Variants in ENO2 observed in about 807,000 individuals in gnomAD.
The protein encoded by ENO2 is enolase 2.
ENO2 carries 19 observed loss-of-function variants against 48.7 expected under a neutral mutation model. The observed-to-expected ratio is 0.39, with a 90% CI of 0.27 to 0.57. ENO2 has a LOEUF of 0.57. Among genes scored for constraint, ENO2 ranks in the 20% least tolerant of loss-of-function variants. The probability of loss-of-function intolerance (pLI) is 0.58; values close to 1 mark genes in which losing one functional copy is unlikely to be tolerated. For synonymous variants in ENO2, 198 were observed against 213.4 expected (o/e 0.93, Z 0.63); for missense variants, 416 against 555.0 (o/e 0.75, Z 2.52).
chr12:6,915,715 G>A (rs1450805738), intron 1 of ENO2, 106 bp from the exon 2 acceptor site: 7 of 443,940 alleles, frequency 1.6e-5, no homozygotes. Context: ...ACCCACTGCA[G>A]TAACCTCTTT....
Position 6,919,741 on chromosome 12 carries a change from G to T in ENO2, c.843G>T (p.Gln281His). 6.2e-7 allele frequency: 1 copy of T among 1,613,960 alleles called. No individual in the cohort carries two copies. Among genetic ancestry groups the T allele is most frequent in the Non-Finnish European group, 8.5e-7 (1 of 1,180,018 alleles). ...ITGDQLGALY[Q>H]DFVRDYPVVS... ...GGGACCAGCTGGGGGCACTCTACCAGGACTTTGTCAGGGACTATCCTGGTG... is the reference window on the plus strand; with the variant it reads ...GGGACCAGCTGGGGGCACTCTACCATGACTTTGTCAGGGACTATCCTGGTG... The change falls in exon 8 of 12, where the codon CAG (glutamine) becomes CAT (histidine). Residue 281 changes from glutamine to histidine, a missense_variant. Gln to His is a conservative substitution (Grantham distance 24, BLOSUM62 0). Coordinates refer to ENST00000229277, the MANE Select transcript of ENO2 (RefSeq NM_001975.3).
intron 7 of ENO2, among the ~76,000 whole-genome samples, chr12:6,919,090 C>T (rs1029077976): frequency 2.0e-5 from 3 of 152,062 alleles, no homozygotes; most frequent in African/African-American, 4.8e-5. Flanking sequence ...GTCCTGTCCC[C>T]GTCCCAACCT....
In ENO2 at chr12:6,918,071, C is replaced by T. The variant is rs1945308188; in HGVS notation, c.576C>T (p.Leu192=). The T allele has an allele frequency of 6.2e-7, 1 of 1,614,014 alleles. No individual in the cohort carries two copies. The highest frequency in any genetic ancestry group is 1.1e-5 in the South Asian group (1 of 91,076). Residue 192 remains leucine, a synonymous_variant, in exon 7 of 12, where the codon CTC becomes CTT. Transcript: ENST00000229277. ...TAGGTGCAGAGGTCTACCATACACT[C>T]AAGGGAGTCATCAAGGACAAATACG... ...MRLGAEVYHT[L]KGVIKDKYGK...
intron 9 of ENO2, 113 bp from the exon 10 acceptor site, chr12:6,921,943 C>A: frequency 6.6e-7 from 1 of 1,525,002 alleles, no homozygotes; most frequent in South Asian, 1.1e-5. Context: ...TGATTCTCTG[C>A]TCCCCTCCCA....
chr12:6,923,444 T>C lies in ENO2; in HGVS notation c.*644T>C, dbSNP rs1945360874. 6.6e-6 allele frequency: 1 copy of C among 152,320 alleles called. No individual in the cohort carries two copies. Among genetic ancestry groups the C allele is most frequent in the African/African-American group, 2.4e-5 (1 of 41,430 alleles). The allele number at this position is 152,320 out of a possible 1,614,324, so 9.4% of individuals were successfully genotyped here. A position where few individuals can be genotyped will look rare whatever the true frequency, so the allele number is the denominator to read the frequency against. On this transcript the variant is annotated 3_prime_UTR_variant, in exon 12 of 12. Transcript: ENST00000229277. The stretch of plus-strand genomic sequence containing the variant: ...AGATGACTGGGGTGGGAGGTCTTGC[T>C]AGAATGGGAAGGGTCATAGAAAGGG...
Position 6,916,690 on chromosome 12 carries a change from C to T in ENO2, c.201C>T (p.Asp67=). Reference sequence around the variant, plus strand: ...CCCCAGGTGTCCTGAAGGCAGTGGACCACATCAACTCCACCATCGCGCCAG... The same window carrying T: ...CCCCAGGTGTCCTGAAGGCAGTGGATCACATCAACTCCACCATCGCGCCAG... ...YLGKGVLKAV[D]HINSTIAPAL... is the part of the protein sequence containing the mutation. The change falls in exon 4 of 12, where the codon GAC becomes GAT. Residue 67 remains aspartate (D), a synonymous_variant. Transcript: ENST00000229277. The surrounding 1 kb of genome is among the most constrained non-coding windows in gnomAD (Gnocchi z 4.5). The T allele has an allele frequency of 6.2e-7, 1 of 1,614,196 alleles. No individual in the cohort carries two copies. The highest frequency in any genetic ancestry group is 8.5e-7 in the Non-Finnish European group (1 of 1,180,022).
Position 6,919,844 on chromosome 12 carries a change from A to AAGAAGAAC in ENO2, c.865+81_865+82insAGAAGAAC. The AAGAAGAAC allele has an allele frequency of 3.4e-6, 5 of 1,470,078 alleles. No individual in the cohort carries two copies. In the South Asian group the frequency reaches 6.0e-5, roughly 18 times the overall value. 91.1% of individuals were successfully genotyped at this position (1,470,078 alleles called of 1,614,324 possible). A position where few individuals can be genotyped will look rare whatever the true frequency, so the allele number is the denominator to read the frequency against. On this transcript the variant is annotated intron_variant, in intron 8 of 11. Transcript: ENST00000229277. ...CAACTCTGGACCTTATGGGGTGCTG[A>AAGAAGAAC]CTCAGGCACCAGGTGGGGGTGTCCT...
In ENO2 at chr12:6,916,270, T is replaced by C; in HGVS notation, c.86-147T>C. 1.7e-6 allele frequency: 1 copy of C among 585,494 alleles called. No individual in the cohort carries two copies. The allele number at this position is 585,494 out of a possible 1,614,324, so 36.3% of individuals were successfully genotyped here. A position where few individuals can be genotyped will look rare whatever the true frequency, so the allele number is the denominator to read the frequency against. On this transcript the variant is annotated intron_variant, in intron 2 of 11. Coordinates refer to ENST00000229277, the MANE Select transcript of ENO2 (RefSeq NM_001975.3). This position sits in a 1 kb window ranked among gnomAD's most constrained non-coding sequence, Gnocchi z 4.5. ...CTTCTTGTGCATCTGCCTCAGTGTG[T>C]GTGTGGGGTGGGGGTGGGGGGATGT...
At chr12:6,922,000 T>C in intron 9 of ENO2, 56 bp from the exon 10 acceptor site, 1 of 1,606,576 alleles carries the variant, frequency 6.2e-7, no homozygotes, top group Admixed American at 1.7e-5. Context: ...AGGTTGGGGC[T>C]GGGAAGAGAG....
At chr12:6,915,712 G>T in intron 1 of ENO2, 109 bp from the exon 2 acceptor site, 3 of 361,856 alleles carry the variant, frequency 8.3e-6, no homozygotes, top group South Asian at 4.9e-5. Flanking sequence ...CCCACCCACT[G>T]CAGTAACCTC....
In ENO2 at chr12:6,914,625, C is replaced by T; in HGVS notation, c.-47C>T. ...GCCGCCGTCGCCACCGCCACCGCCA[C>T]CGCCACTACCACCGTCTGAGTCTGC... is the stretch of plus-strand genomic sequence containing the variant. On this transcript the variant is annotated 5_prime_UTR_variant, in exon 1 of 12. Coordinates refer to ENST00000229277, the MANE Select transcript of ENO2 (RefSeq NM_001975.3). This position sits in a 1 kb window ranked among gnomAD's most constrained non-coding sequence, Gnocchi z 7.1. The T allele has an allele frequency of 5.9e-6, 1 of 170,848 alleles. No homozygotes were observed. Among genetic ancestry groups the T allele is most frequent in the African/African-American group, 2.4e-5 (1 of 41,708 alleles). 10.6% of individuals were successfully genotyped at this position (170,848 alleles called of 1,614,324 possible).
chr12:6,921,929 C>T (rs1945344754), intron 9 of ENO2, 127 bp from the exon 10 acceptor site: 1 of 1,494,584 alleles, frequency 6.7e-7, no homozygotes, highest in South Asian at 1.2e-5. Context: ...TGCCCCTCCA[C>T]CCCTGATTCT....
intron 7 of ENO2, among the ~76,000 whole-genome samples, chr12:6,918,508 G>A (rs2856893): frequency 3.3e-5 from 5 of 151,464 alleles, no homozygotes; most frequent in African/African-American, 1.2e-4. Flanking sequence ...CCGCCACCAC[G>A]CCCGGCTAAT....
chr12:6,919,926 TTGTA>T (rs1172560390), intron 8 of ENO2, among the ~76,000 whole-genome samples, 163 bp downstream of exon 8: 1 of 152,010 alleles, frequency 6.6e-6, no homozygotes, highest in Non-Finnish European at 1.5e-5. Context: ...AGACTGGGCT[TTGTA>T]TGTAGTGTAA....
chr12:6,917,348 C>T (rs1945301116), intron 5 of ENO2: 1 of 707,104 alleles, frequency 1.4e-6, no homozygotes, highest in African/African-American at 1.8e-5. Flanking sequence ...AGTCTGTGGT[C>T]TCAGGGATAT....
chr12:6,918,976 C>A (rs375540330), intron 7 of ENO2, among the ~76,000 whole-genome samples: 11 of 125,260 alleles, frequency 8.8e-5, no homozygotes, highest in Non-Finnish European at 1.4e-4. Context: ...AGCGAGACTC[C>A]GTCTCAAAAA....
At chr12:6,920,597 T>C (rs1945331732) in intron 8 of ENO2, among the ~76,000 whole-genome samples, 1 of 150,572 alleles carries the variant, frequency 6.6e-6, no homozygotes, top group Non-Finnish European at 1.5e-5. Context: ...CAGGGGTTTC[T>C]CCATGTTGGT....
rs1198989251 is a variant in ENO2, at chr12:6,922,862, G to A, written c.*62G>A. 1 of 1,587,986 alleles carries A rather than the reference G, an allele frequency of 6.3e-7. No individual in the cohort carries two copies. The highest frequency in any genetic ancestry group is 8.6e-7 in the Non-Finnish European group (1 of 1,157,890). On this transcript the variant is annotated 3_prime_UTR_variant, in exon 12 of 12. Coordinates refer to ENST00000229277, the MANE Select transcript of ENO2 (RefSeq NM_001975.3). This position sits in a 1 kb window ranked among gnomAD's most constrained non-coding sequence, Gnocchi z 5.3. ...CATCCTCCTGGAACCTTGCTGTCCT[G>A]ATCTGTGATAGTTCACCCCCTGAGA...
intron 1 of ENO2, chr12:6,915,564 T>C: frequency 2.2e-6 from 1 of 446,510 alleles, no homozygotes; most frequent in South Asian, 2.5e-5. Flanking sequence ...TGTTCTCCCA[T>C]CTCATCATTT....
Sources: allele counts gnomAD v4.1 joint callset (sites outside exome capture counted in the v4.1 genomes callset), GRCh38; gene constraint gnomAD v4.1.1; non-coding constraint Gnocchi (gnomAD v3.1); transcripts MANE v1.5; gene names NCBI Gene and HGNC (gene_info 2026-07-23, HGNC 2026-07-21).